TJP1: variants seen among roughly 807,000 people sequenced by gnomAD.
TJP1 encodes tight junction protein 1.
TJP1 carries 43 observed loss-of-function variants against 194.2 expected under a neutral mutation model. The ratio of observed to expected loss-of-function variants is 0.22; its 90% CI spans 0.17 to 0.29. TJP1 has a LOEUF of 0.29. TJP1 is among the 10% of genes least tolerant of loss of function. The probability of loss-of-function intolerance (pLI) is 1.00; values close to 1 mark genes in which losing one functional copy is unlikely to be tolerated. For missense variants in TJP1, 1,971 were observed against 2,185.7 expected (o/e 0.90, Z 1.96); for synonymous variants, 801 against 779.0 (o/e 1.03, Z -0.47).
Position 29,704,257 on chromosome 15 carries a change from T to C in TJP1, c.5117A>G (p.Lys1706Arg), listed in dbSNP as rs1192874112. 6.3e-7 allele frequency: 1 copy of C among 1,598,988 alleles called. No homozygotes were observed. Among genetic ancestry groups the C allele is most frequent in the Non-Finnish European group, 8.5e-7 (1 of 1,173,078 alleles). ...PLVMCGPHGLKFLKPVELRLP... is the reference protein window; with the variant it reads ...PLVMCGPHGLRFLKPVELRLP... ...GCGCAGCTCCACAGGCTTCAGGAACTTGAGGCCATGGGGACCACACATCAC... is the reference window on the plus strand; with the variant it reads ...GCGCAGCTCCACAGGCTTCAGGAACCTGAGGCCATGGGGACCACACATCAC... Residue 1706 changes from lysine to arginine, a missense_variant, in exon 27 of 28, where the codon AAG (lysine) becomes AGG (arginine). Lys to Arg is a conservative substitution (Grantham distance 26). Around this residue, in one of 5 missense-constraint regions of TJP1, gnomAD observed 1,108 missense variants for 1,128.5 expected, o/e 0.98. Transcript: ENST00000614355.
At chr15:29,949,567 TTCCACAACC>T (rs2055513762) in intron 2 of TJP1, among the ~76,000 whole-genome samples, 2 of 10,900 alleles carry the variant, frequency 1.8e-4, no homozygotes. Flanking sequence ...CCACCTCCAC[TTCCACAACC>T]ACCACCTCCA....
At chr15:29,779,539 G>A (rs970266621) in intron 2 of TJP1, among the ~76,000 whole-genome samples, 5 of 152,186 alleles carry the variant, frequency 3.3e-5, no homozygotes, top group African/African-American at 4.8e-5. Context: ...TGACTGGCTT[G>A]CTAGTTCAAT....
chr15:29,853,166 G>A (rs1414772618), intron 2 of TJP1, among the ~76,000 whole-genome samples: 2 of 152,078 alleles, frequency 1.3e-5, no homozygotes, highest in African/African-American at 4.8e-5. Context: ...TCTGTTTTGG[G>A]TTTTAAATTC....
chr15:29,876,321 A>G (rs2052697486), intron 2 of TJP1, among the ~76,000 whole-genome samples: 1 of 152,134 alleles, frequency 6.6e-6, no homozygotes, highest in Non-Finnish European at 1.5e-5. Context: ...GGAGTTCGAA[A>G]CCAGCTTGAC....
intron 2 of TJP1, among the ~76,000 whole-genome samples, chr15:29,879,194 C>G (rs1280266971): frequency 6.6e-6 from 1 of 152,180 alleles, no homozygotes; most frequent in African/African-American, 2.4e-5. Flanking sequence ...CCTCCATCCC[C>G]TGACATTCAT....
intron 2 of TJP1, among the ~76,000 whole-genome samples, chr15:29,788,819 T>C (rs894808285): frequency 1.3e-5 from 2 of 152,158 alleles, no homozygotes; most frequent in African/African-American, 4.8e-5. Flanking sequence ...ATTAGAAAAA[T>C]GTATGCATTT....
chr15:29,726,683 T>C (rs1361911508), intron 17 of TJP1, 98 bp downstream of exon 17: 1 of 1,271,418 alleles, frequency 7.9e-7, no homozygotes, highest in Non-Finnish European at 1.1e-6. Flanking sequence ...CAAGAAAGTA[T>C]CATGTAAGTT....
At chr15:29,715,668 G>GT (rs2151087147) in intron 23 of TJP1, among the ~76,000 whole-genome samples, 1 of 152,260 alleles carries the variant, frequency 6.6e-6, no homozygotes, top group African/African-American at 2.4e-5. Context: ...TTTTTCAGGT[G>GT]TAATGTCCCC....
chr15:29,829,348 G>A (rs1018232309), intron 2 of TJP1, among the ~76,000 whole-genome samples: 1 of 152,012 alleles, frequency 6.6e-6, no homozygotes, highest in Non-Finnish European at 1.5e-5. Flanking sequence ...AACTATTTTG[G>A]ACATGTTACT....
chr15:29,720,882 T>G (rs1216217502), intron 18 of TJP1, among the ~76,000 whole-genome samples, 174 bp from the exon 19 acceptor site: 1 of 152,270 alleles, frequency 6.6e-6, no homozygotes, highest in East Asian at 1.9e-4. Flanking sequence ...CGCAGACACA[T>G]GGAGCACCCC....
chr15:29,723,617 T>C (rs1247244546), intron 18 of TJP1, among the ~76,000 whole-genome samples: 2 of 152,218 alleles, frequency 1.3e-5, no homozygotes, highest in Admixed American at 1.3e-4. Flanking sequence ...AAAGCTGTTA[T>C]GAAACACAAT....
intron 1 of TJP1, among the ~76,000 whole-genome samples, chr15:29,815,192 A>G (rs1411992653): frequency 6.6e-6 from 1 of 152,232 alleles, no homozygotes; most frequent in Non-Finnish European, 1.5e-5. Context: ...TCTTCTCTGC[A>G]ATAAATAAAT....
At chr15:29,812,529 G>A (rs559035797) in intron 1 of TJP1, among the ~76,000 whole-genome samples, 1 of 152,224 alleles carries the variant, frequency 6.6e-6, no homozygotes, top group Non-Finnish European at 1.5e-5. Flanking sequence ...ATGGAGCAGT[G>A]CCCTCTCTTC....
intron 2 of TJP1, among the ~76,000 whole-genome samples, chr15:29,935,651 A>G (rs1346052379): frequency 6.6e-6 from 1 of 151,822 alleles, no homozygotes; most frequent in Non-Finnish European, 1.5e-5. Context: ...TCCCCTGCCA[A>G]TCTCTTAAAT....
chr15:29,750,545 G>T (rs907369377), intron 8 of TJP1, among the ~76,000 whole-genome samples: 1 of 152,092 alleles, frequency 6.6e-6, no homozygotes, highest in Non-Finnish European at 1.5e-5. Context: ...TCTGTTCATG[G>T]AAACTGTGCT....
intron 18 of TJP1, among the ~76,000 whole-genome samples, chr15:29,724,635 T>C (rs577537268): frequency 3.2e-4 from 48 of 152,298 alleles, no homozygotes; most frequent in Non-Finnish European, 6.6e-4. Context: ...AAAAAGGAAC[T>C]CTTTCTAGCA....
chr15:29,749,302 C>T (rs1013400393), intron 8 of TJP1, among the ~76,000 whole-genome samples: 1 of 152,148 alleles, frequency 6.6e-6, no homozygotes, highest in Non-Finnish European at 1.5e-5. Context: ...GTCACATGAA[C>T]GGACTCACTG....
chr15:29,792,551 C>T (rs1028014283), intron 2 of TJP1, among the ~76,000 whole-genome samples: 9 of 152,190 alleles, frequency 5.9e-5, no homozygotes, highest in African/African-American at 1.9e-4. Flanking sequence ...TTCTTTTTGC[C>T]CAGGATTGCT....
chr15:29,863,466 T>C (rs1346963599), intron 2 of TJP1, among the ~76,000 whole-genome samples: 1 of 152,138 alleles, frequency 6.6e-6, no homozygotes, highest in Non-Finnish European at 1.5e-5. Flanking sequence ...CAGATATGTG[T>C]TGTTTGGCTA....
Sources: gnomAD v4.1 joint callset for allele counts (sites outside exome capture counted in the v4.1 genomes callset) on GRCh38, gnomAD v4.1.1 for gene constraint, gnomAD v4.1.1 regional missense constraint, MANE v1.5 for transcripts, NCBI Gene and HGNC (gene_info 2026-07-23, HGNC 2026-07-21) for gene names.